TRPM6: variants seen among roughly 807,000 people sequenced by gnomAD.
The protein encoded by TRPM6 is transient receptor potential cation channel subfamily M member 6, also known as channel kinase 2.
A neutral mutation model predicts 247.6 loss-of-function variants in TRPM6; 111 were observed. The observed-to-expected ratio is 0.45, with a 90% confidence interval of 0.38 to 0.52. The LOEUF is 0.52. TRPM6 is among the 20% of genes least tolerant of loss of function. TRPM6 has a pLI of 0.00. For synonymous variants in TRPM6, 892 were observed against 853.8 expected, an observed-to-expected ratio of 1.04 and a Z score of -0.78; for missense variants, 2,126 against 2,421.5, an observed-to-expected ratio of 0.88 and a Z score of 2.56.
chr9:74,740,113 C>G (rs1014578942), intron 33 of TRPM6, 104 bp from the exon 34 acceptor site: 14 of 1,310,286 alleles, frequency 1.1e-5, no homozygotes, highest in South Asian at 7.6e-5. Flanking sequence ...ACCCAAATGA[C>G]CAGAGGAGAA....
intron 5 of TRPM6, among the ~76,000 whole-genome samples, chr9:74,838,107 T>G (rs1044094341): frequency 5.3e-5 from 8 of 152,162 alleles, no homozygotes; most frequent in African/African-American, 1.9e-4. Flanking sequence ...TTTGTTTATA[T>G]GAAGTATTTC....
chr9:74,877,015 A>T (rs1478413780), intron 1 of TRPM6, among the ~76,000 whole-genome samples: 1 of 152,228 alleles, frequency 6.6e-6, no homozygotes, highest in Non-Finnish European at 1.5e-5. Flanking sequence ...TCATAAGGGA[A>T]ATGCAAAACC....
intron 36 of TRPM6, among the ~76,000 whole-genome samples, chr9:74,733,922 G>C (rs1367164515): frequency 6.6e-6 from 1 of 152,150 alleles, no homozygotes; most frequent in Non-Finnish European, 1.5e-5. Flanking sequence ...CTTGATCTGG[G>C]TGATGGTTAC....
chr9:74,739,939 A>G lies in TRPM6; in HGVS notation c.5271T>C (p.Ser1757=). 1 of 1,614,114 alleles carries G rather than the reference A, an allele frequency of 6.2e-7. No individual in the cohort carries two copies. Among genetic ancestry groups the G allele is most frequent in the Non-Finnish European group, 8.5e-7 (1 of 1,180,024 alleles). ...SPLNLDKSMS[S]WSQRGRAAMI... ...TTGCCGCTCTCCCACGCTGAGACCA[A>G]GAGGACATGCTTTTATCAAGGTTTA... Residue 1757 remains serine, a synonymous_variant, in exon 34 of 39, where the codon TCT becomes TCC. Coordinates refer to ENST00000360774, the MANE Select transcript of TRPM6 (RefSeq NM_017662.5).
chr9:74,809,976 CAAAAAAAAAAA>C (rs57812269), intron 13 of TRPM6, among the ~76,000 whole-genome samples: 1,575 of 33,574 alleles, frequency 0.047, 22 homozygotes, highest in South Asian at 0.13. Context: ...AACTCCATCT[CAAAAAAAAAAA>C]AAAAAAAAAA....
In TRPM6 at chr9:74,739,437, G is replaced by A; in HGVS notation, c.5500C>T (p.Gln1834Ter). Residue 1834 changes from glutamine (Q) to a stop codon, truncating the protein, a stop_gained, in exon 35 of 39, where the codon CAA (glutamine) becomes TAA (stop). Transcript: ENST00000360774. LOFTEE classifies it high-confidence loss of function. ...TAGATCAATTTTTGAGCAGCTCTTT[G>A]TTGTTGAATTTCCTACAAAATAGGG... ...LHLCLREIQQ[Q>*]RAAQKLIYTF... 1 of 1,613,978 alleles carries A rather than the reference G, an allele frequency of 6.2e-7. No homozygotes were observed. The highest frequency in any genetic ancestry group is 8.5e-7 in the Non-Finnish European group (1 of 1,179,934).
chr9:74,858,733 T>C lies in TRPM6; in HGVS notation c.49A>G (p.Ile17Val). The change falls in exon 2 of 39, where the codon ATT (isoleucine) becomes GTT (valine). Residue 17 changes from isoleucine (I) to valine (V), a missense_variant. Ile to Val is a conservative substitution (Grantham distance 29). Coordinates refer to ENST00000360774, the MANE Select transcript of TRPM6 (RefSeq NM_017662.5). Reference protein sequence around the residue: ...LERLQSQKSWIKGVFDKRECS... With the variant: ...LERLQSQKSWVKGVFDKRECS... ...TCTCTCTTGTCAAATACTCCTTTAA[T>C]CCAGGATTTCTGGGACTAAAAAGAA... is the stretch of plus-strand genomic sequence containing the variant. 1 of 1,613,292 alleles carries C rather than the reference T, an allele frequency of 6.2e-7. No homozygotes were observed. The highest frequency in any genetic ancestry group is 8.5e-7 in the Non-Finnish European group (1 of 1,179,442).
At chr9:74,848,472 GC>G (rs1478287030) in intron 3 of TRPM6, among the ~76,000 whole-genome samples, 2 of 152,124 alleles carry the variant, frequency 1.3e-5, no homozygotes, top group East Asian at 1.9e-4. Flanking sequence ...ACTCTGAATG[GC>G]ACGCAATTTT....
At chr9:74,820,564 G>A in intron 8 of TRPM6, 137 bp from the exon 9 acceptor site, 1 of 1,051,442 alleles carries the variant, frequency 9.5e-7, no homozygotes, top group Non-Finnish European at 1.4e-6. Flanking sequence ...GCAAATGAGG[G>A]GGAGCAAACG....
chr9:74,732,290 T>A (rs1340685675), intron 37 of TRPM6, among the ~76,000 whole-genome samples: 2 of 152,202 alleles, frequency 1.3e-5, no homozygotes, highest in African/African-American at 4.8e-5. Flanking sequence ...AAGCATATGA[T>A]GGAAGATGCT....
At chr9:74,791,173 C>CA (rs1472063324) in intron 19 of TRPM6, among the ~76,000 whole-genome samples, 1 of 152,222 alleles carries the variant, frequency 6.6e-6, no homozygotes, top group African/African-American at 2.4e-5. Flanking sequence ...GCACTCCTGT[C>CA]AGAGTCTTTC....
intron 27 of TRPM6, among the ~76,000 whole-genome samples, chr9:74,756,681 C>CA (rs1217543421): frequency 0.16 from 8,392 of 51,756 alleles, 526 homozygotes; most frequent in South Asian, 0.31. Context: ...CCCGTCTCTA[C>CA]AAAAAAAAAA....
intron 24 of TRPM6, 81 bp downstream of exon 24, chr9:74,775,802 T>G (rs1403011363): frequency 1.4e-6 from 2 of 1,446,444 alleles, no homozygotes; most frequent in Non-Finnish European, 1.9e-6. Flanking sequence ...GCCCTGAACT[T>G]AATTTATAAT....
chr9:74,732,504 TCCC>T (rs376803148), intron 37 of TRPM6, among the ~76,000 whole-genome samples, 178 bp downstream of exon 37: 1 of 152,218 alleles, frequency 6.6e-6, no homozygotes, highest in Non-Finnish European at 1.5e-5. Context: ...TTCCATATTT[TCCC>T]CCCATTTCCT....
chr9:74,816,829 A>T (rs1828950451), intron 10 of TRPM6, 60 bp from the exon 11 acceptor site: 1 of 1,610,254 alleles, frequency 6.2e-7, no homozygotes, highest in African/African-American at 1.3e-5. Flanking sequence ...CAAGAAGCAC[A>T]AAGTACTGTG....
chr9:74,724,275 C>G lies in TRPM6; in HGVS notation c.*338G>C, dbSNP rs1023678365. 2.9e-5 allele frequency: 11 copies of G among 377,944 alleles called. No individual in the cohort carries two copies. Among genetic ancestry groups the G allele is most frequent in the African/African-American group, 2.1e-5 (1 of 48,362 alleles). 23.4% of individuals were successfully genotyped at this position (377,944 alleles called of 1,614,324 possible). A position where few individuals can be genotyped will look rare whatever the true frequency, so the allele number is the denominator to read the frequency against. On this transcript the variant is annotated 3_prime_UTR_variant, in exon 39 of 39. Coordinates refer to ENST00000360774, the MANE Select transcript of TRPM6 (RefSeq NM_017662.5). ...GAGAAAATAAAATAAATGTATCCCC[C>G]CCAACCCCATCCTTTAATGTGCAGG...
chr9:74,774,508 TAGG>T (rs1057114985), intron 24 of TRPM6, among the ~76,000 whole-genome samples: 7 of 151,974 alleles, frequency 4.6e-5, no homozygotes, highest in Non-Finnish European at 8.8e-5. Context: ...CAAAGTGACT[TAGG>T]AGGAGAAAAA....
chr9:74,792,872 G>T (rs1827958536), intron 18 of TRPM6, 102 bp from the exon 19 acceptor site: 1 of 1,202,898 alleles, frequency 8.3e-7, no homozygotes, highest in Non-Finnish European at 1.2e-6. Context: ...TTAGAAATTA[G>T]TTGGCTGGGG....
At chr9:74,768,560 G>A (rs1430736086) in intron 25 of TRPM6, among the ~76,000 whole-genome samples, 1 of 152,050 alleles carries the variant, frequency 6.6e-6, no homozygotes, top group Non-Finnish European at 1.5e-5. Context: ...TTTCGGTGGT[G>A]CCACCTTTCA....
Sources: gnomAD v4.1 joint callset for allele counts (sites outside exome capture counted in the v4.1 genomes callset) on GRCh38, gnomAD v4.1.1 for gene constraint, MANE v1.5 for transcripts, NCBI Gene and HGNC (gene_info 2026-07-23, HGNC 2026-07-21) for gene names.